DLGAP2: variants seen among roughly 807,000 people sequenced by gnomAD.
The protein encoded by DLGAP2 is disks large-associated protein 2.
DLGAP2 carries 26 observed loss-of-function variants against 100.3 expected under a neutral mutation model. The ratio of observed to expected loss-of-function variants is 0.26; its 90% CI spans 0.19 to 0.36. DLGAP2 has a LOEUF of 0.36. DLGAP2 is among the 10% of genes least tolerant of loss of function. The pLI is 1.00. For synonymous variants in DLGAP2, 886 were observed against 630.1 expected (o/e 1.41, Z -6.08); for missense variants, 1,858 against 1,453.2 (o/e 1.28, Z -4.53).
In DLGAP2 at chr8:1,690,703, CAAAA is replaced by C. The variant is rs71190752; in HGVS notation, c.2705-809_2705-806del. ...TGGGCGATAAAGGGAGACCCTATCT[CAAAA>C]AAAAAAAAAAAAAAAAAAAAAATTA... On this transcript the variant is annotated intron_variant, in intron 12 of 14. Coordinates refer to ENST00000637795, the MANE Select transcript of DLGAP2 (RefSeq NM_001346810.2). 6.0e-3 allele frequency among the ~76,000 whole-genome samples: 373 copies of C among 62,070 alleles called. 1 individual carries two copies. Among genetic ancestry groups the C allele is most frequent in the South Asian group, 0.057 (101 of 1,772 alleles). The allele number at this position is 62,070 out of a possible 152,430, so 40.7% of individuals were successfully genotyped here.
intron 1 of DLGAP2, among the ~76,000 whole-genome samples, chr8:905,044 G>T (rs1396977677): frequency 6.6e-6 from 1 of 152,154 alleles, no homozygotes; most frequent in Non-Finnish European, 1.5e-5. Flanking sequence ...GACTGTGGCG[G>T]GTAGAATGCT....
chr8:1,223,179 C>G (rs977974813), intron 2 of DLGAP2, among the ~76,000 whole-genome samples: 15 of 152,182 alleles, frequency 9.9e-5, no homozygotes, highest in African/African-American at 3.1e-4. Context: ...TCACTCAAGG[C>G]CAATAACAAG....
At chr8:791,140 G>A (rs1402464311) in intron 1 of DLGAP2, among the ~76,000 whole-genome samples, 1 of 152,164 alleles carries the variant, frequency 6.6e-6, no homozygotes, top group Non-Finnish European at 1.5e-5. Flanking sequence ...TAAAAATAAT[G>A]CAAGCACATT....
At chr8:1,332,433 ATGTC>A (rs1295280127) in intron 3 of DLGAP2, among the ~76,000 whole-genome samples, 2 of 151,748 alleles carry the variant, frequency 1.3e-5, no homozygotes, top group Non-Finnish European at 2.9e-5. Flanking sequence ...CAGTGTATAT[ATGTC>A]TGTGTACACA....
At chr8:1,165,788 C>T (rs1409758460) in intron 2 of DLGAP2, among the ~76,000 whole-genome samples, 1 of 151,698 alleles carries the variant, frequency 6.6e-6, no homozygotes, top group Non-Finnish European at 1.5e-5. Flanking sequence ...GTATCTCCTC[C>T]TGTTACTTTA....
At chr8:1,324,757 C>A (rs1484127960) in intron 3 of DLGAP2, among the ~76,000 whole-genome samples, 1 of 152,220 alleles carries the variant, frequency 6.6e-6, no homozygotes, top group Non-Finnish European at 1.5e-5. Context: ...GCACGACTTC[C>A]ATGTTCCTGT....
chr8:946,416 A>T (rs557808549), intron 2 of DLGAP2, among the ~76,000 whole-genome samples: 174 of 151,950 alleles, frequency 1.1e-3, no homozygotes, highest in African/African-American at 3.9e-3. Context: ...GGCGCCCGCC[A>T]CCACGCCCGG....
rs565517457 is a variant in DLGAP2 at position 1,682,929 on chromosome 8, T to C, written c.2704+4300T>C. Among the ~76,000 whole-genome samples, 44 of 151,586 alleles carry C rather than the reference T, an allele frequency of 2.9e-4. 1 individual carries two copies. Among genetic ancestry groups the C allele is most frequent in the Admixed American group, 4.6e-4 (7 of 15,248 alleles). ...TTTCGTGGTGGGATTTTTGTTTTGT[T>C]TTGTCTTGTTTTTTACCTTTTTTGA... On this transcript the variant is annotated intron_variant, in intron 12 of 14. Transcript: ENST00000637795.
intron 2 of DLGAP2, among the ~76,000 whole-genome samples, chr8:1,105,233 C>A (rs564645013): frequency 1.3e-4 from 20 of 152,310 alleles, no homozygotes; most frequent in African/African-American, 4.8e-4. Flanking sequence ...AGAAAAAGTT[C>A]TTAAAAATTA....
intron 3 of DLGAP2, among the ~76,000 whole-genome samples, chr8:1,356,602 C>T (rs912128297): frequency 2.6e-4 from 40 of 151,988 alleles, no homozygotes; most frequent in Non-Finnish European, 2.8e-4. Flanking sequence ...GACGGAGATG[C>T]GCAGGAATGG....
intron 3 of DLGAP2, among the ~76,000 whole-genome samples, chr8:1,303,260 G>A (rs975565304): frequency 1.3e-5 from 2 of 152,182 alleles, no homozygotes; most frequent in African/African-American, 2.4e-5. Context: ...AGCCGGGCGT[G>A]GTGGCGGGCG....
intron 2 of DLGAP2, among the ~76,000 whole-genome samples, chr8:1,134,223 CT>C (rs1380295164): frequency 6.6e-6 from 1 of 152,184 alleles, no homozygotes; most frequent in South Asian, 2.1e-4. Context: ...ACCACATTTT[CT>C]TAATCCAGTC....
chr8:1,080,264 C>T (rs538669561), intron 2 of DLGAP2, among the ~76,000 whole-genome samples: 3 of 152,322 alleles, frequency 2.0e-5, no homozygotes, highest in South Asian at 4.1e-4. Flanking sequence ...GGGTGTGATG[C>T]GGGCGCCACC....
intron 3 of DLGAP2, among the ~76,000 whole-genome samples, chr8:1,270,780 G>C (rs1360085079): frequency 6.6e-6 from 1 of 150,834 alleles, no homozygotes; most frequent in African/African-American, 2.4e-5. Flanking sequence ...CTCTCTGTGT[G>C]TGTCTACCTC....
At chr8:1,512,467 C>G (rs1477969015) in intron 4 of DLGAP2, among the ~76,000 whole-genome samples, 1 of 152,096 alleles carries the variant, frequency 6.6e-6, no homozygotes, top group African/African-American at 2.4e-5. Context: ...GCACTGACCT[C>G]GGTGCATTCC....
intron 2 of DLGAP2, among the ~76,000 whole-genome samples, chr8:1,162,598 A>G (rs971496006): frequency 6.6e-6 from 1 of 152,238 alleles, no homozygotes; most frequent in Non-Finnish European, 1.5e-5. Flanking sequence ...ATGATGTGCA[A>G]TGTGAGCGTG....
intron 3 of DLGAP2, among the ~76,000 whole-genome samples, chr8:1,280,521 A>G (rs964722073): frequency 7.9e-5 from 12 of 152,222 alleles, no homozygotes; most frequent in South Asian, 6.2e-4. Flanking sequence ...TTGGGGGTCT[A>G]TAAAGGAGGA....
intron 2 of DLGAP2, among the ~76,000 whole-genome samples, chr8:1,191,320 G>A (rs917035941): frequency 1.3e-4 from 19 of 151,680 alleles, no homozygotes; most frequent in South Asian, 2.1e-4. Context: ...ACAGGCACCC[G>A]CCACCACGCC....
At chr8:790,023 C>T (rs1466033497) in intron 1 of DLGAP2, among the ~76,000 whole-genome samples, 1 of 152,152 alleles carries the variant, frequency 6.6e-6, no homozygotes, top group African/African-American at 2.4e-5. Context: ...AGTCATGGGA[C>T]GGACGACGTC....
Sources: gnomAD v4.1 joint callset for allele counts (sites outside exome capture counted in the v4.1 genomes callset) on GRCh38, gnomAD v4.1.1 for gene constraint, MANE v1.5 for transcripts, NCBI Gene and HGNC (gene_info 2026-07-23, HGNC 2026-07-21) for gene names.